The following RFWD3 variants were observed in gnomAD, a reference collection of about 807,000 sequenced individuals.
RFWD3 encodes E3 ubiquitin-protein ligase RFWD3.
In RFWD3, 65 loss-of-function variants were observed where a neutral mutation model predicts 87.7. The ratio of observed to expected loss-of-function variants is 0.74; its 90% CI spans 0.61 to 0.91. RFWD3 has a LOEUF of 0.91. RFWD3 is among the 40% of genes least tolerant of loss of function. The probability of loss-of-function intolerance (pLI) is 0.00; values close to 1 mark genes in which losing one functional copy is unlikely to be tolerated. For missense variants in RFWD3, 1,078 were observed against 938.5 expected (o/e 1.15, Z -1.94); for synonymous variants, 433 against 352.8 (o/e 1.23, Z -2.55).
rs757894888 is a variant in RFWD3 at position 74,652,117 on chromosome 16, C to G, written c.524G>C (p.Arg175Thr). 3.1e-6 allele frequency: 5 copies of G among 1,613,780 alleles called. No individual in the cohort carries two copies. In the East Asian group the frequency reaches 6.7e-5, roughly 22 times the overall value. The change falls in exon 3 of 13, where the codon AGA becomes ACA. Residue 175 changes from arginine (R) to threonine (T), a missense_variant. Coordinates refer to ENST00000361070, the MANE Select transcript of RFWD3 (RefSeq NM_018124.4). ...CTGAAAGTAAGCATCCAATGGTGCT[C>G]TCAACCTATGTACACAGAAAGACAA... ...GSQRTDSARL[R>T]APLDAYFQVS...
intron 1 of RFWD3, chr16:74,666,173 ATAGACAGAT>A (rs995011778): frequency 2.0e-5 from 3 of 147,022 alleles, no homozygotes; most frequent in African/African-American, 7.8e-5. Context: ...GATAGATTAG[ATAGACAGAT>A]TAGATAGATA....
intron 6 of RFWD3, among the ~76,000 whole-genome samples, chr16:74,642,557 G>A (rs577259816): frequency 1.8e-4 from 28 of 152,146 alleles, no homozygotes; most frequent in African/African-American, 5.8e-4. Context: ...CTAGAGTGCA[G>A]TGGCATGACC....
Position 74,626,638 on chromosome 16 carries a change from C to T in RFWD3, c.1970-84G>A, listed in dbSNP as rs956172965. ...GTACCCAAACCTCACACGCTTACAA[C>T]CTAGTTGGATGGAAAAGCCATAAAT... On this transcript the variant is annotated intron_variant, in intron 11 of 12. Transcript: ENST00000361070. 4 of 1,061,124 alleles carry T rather than the reference C, an allele frequency of 3.8e-6. No individual in the cohort carries two copies. The African/African-American group carries it at 6.3e-5, about 17-fold the overall frequency. 65.7% of individuals were successfully genotyped at this position (1,061,124 alleles called of 1,614,324 possible).
Position 74,623,008 on chromosome 16 carries a change from C to T in RFWD3, c.*920G>A, listed in dbSNP as rs1337490037. 6.6e-6 allele frequency: 1 copy of T among 152,154 alleles called. No individual in the cohort carries two copies. Among genetic ancestry groups the T allele is most frequent in the Non-Finnish European group, 1.5e-5 (1 of 68,012 alleles). The allele number at this position is 152,154 out of a possible 1,614,324, so 9.4% of individuals were successfully genotyped here. A position where few individuals can be genotyped will look rare whatever the true frequency, so the allele number is the denominator to read the frequency against. ...AGTCTGAATAGCTTTTGTAAATTCT[C>T]TTATGTCTTTTCTCCTGATCTCTGA... On this transcript the variant is annotated 3_prime_UTR_variant, in exon 13 of 13. Transcript: ENST00000361070.
intron 11 of RFWD3, 56 bp from the exon 12 acceptor site, chr16:74,626,610 C>G (rs756675450): frequency 1.5e-5 from 22 of 1,435,662 alleles, no homozygotes; most frequent in Non-Finnish European, 2.1e-5. Flanking sequence ...AAAAATTAAC[C>G]AAGTACCCAA....
At chr16:74,661,699 T>C (rs1181821767) in intron 1 of RFWD3, among the ~76,000 whole-genome samples, 2 of 152,200 alleles carry the variant, frequency 1.3e-5, no homozygotes, top group African/African-American at 4.8e-5. Context: ...GTGATCATAG[T>C]AGTATCTTCC....
At chr16:74,645,286 C>G (rs1030090634) in intron 4 of RFWD3, among the ~76,000 whole-genome samples, 3 of 152,174 alleles carry the variant, frequency 2.0e-5, no homozygotes, top group African/African-American at 7.2e-5. Context: ...TTGGCATTAT[C>G]CATGAAAATT....
chr16:74,666,850 C>CCGAAGACTCGGTAGTTACCTCCGCCAA lies in RFWD3; in HGVS notation c.-68_-67insTTGGCGGAGGTAACTACCGAGTCTTCG. ...GAAGACTCGGTAGTTACCTCGGCCG[C>CCGAAGACTCGGTAGTTACCTCCGCCAA]ACTCCGAATGCACCTACGCCAACTG... is the stretch of plus-strand genomic sequence containing the variant. On this transcript the variant is annotated 5_prime_UTR_variant, in exon 1 of 13. Coordinates refer to ENST00000361070, the MANE Select transcript of RFWD3 (RefSeq NM_018124.4). 1 of 38,952 alleles carries CCGAAGACTCGGTAGTTACCTCCGCCAA rather than the reference C, an allele frequency of 2.6e-5. No homozygotes were observed. The highest frequency in any genetic ancestry group is 4.7e-5 in the Non-Finnish European group (1 of 21,360). 2.4% of individuals were successfully genotyped at this position (38,952 alleles called of 1,614,324 possible). A position where few individuals can be genotyped will look rare whatever the true frequency, so the allele number is the denominator to read the frequency against.
intron 6 of RFWD3, chr16:74,644,150 T>G (rs1175276064): frequency 5.0e-6 from 3 of 604,384 alleles, no homozygotes; most frequent in Non-Finnish European, 8.8e-6. Flanking sequence ...TGTTTAATGC[T>G]CTACATAAGG....
chr16:74,650,388 G>A (rs1960471939), intron 3 of RFWD3, among the ~76,000 whole-genome samples: 1 of 150,556 alleles, frequency 6.6e-6, no homozygotes, highest in African/African-American at 2.4e-5. Flanking sequence ...GTGGGGGGCT[G>A]GTGTGTGTGT....
intron 2 of RFWD3, 136 bp downstream of exon 2, chr16:74,660,796 T>G: frequency 1.1e-6 from 1 of 918,854 alleles, no homozygotes; most frequent in Non-Finnish European, 1.7e-6. Flanking sequence ...CACTTTTATT[T>G]CCACCTATGA....
Position 74,627,246 on chromosome 16 carries a change from T to G in RFWD3, c.1970-692A>C, listed in dbSNP as rs1402186523. 2.0e-5 allele frequency among the ~76,000 whole-genome samples: 3 copies of G among 152,374 alleles called. No individual in the cohort carries two copies. In the East Asian group the frequency reaches 5.8e-4, roughly 29 times the overall value. On this transcript the variant is annotated intron_variant, in intron 11 of 12. Coordinates refer to ENST00000361070, the MANE Select transcript of RFWD3 (RefSeq NM_018124.4). Reference sequence around the variant, plus strand: ...AACTCTGACTATACATCTGCCTGACTGTTACAAATGTGTTTAATACAGTTG... The same window carrying G: ...AACTCTGACTATACATCTGCCTGACGGTTACAAATGTGTTTAATACAGTTG...
At chr16:74,634,826 G>A (rs1014323034) in intron 8 of RFWD3, among the ~76,000 whole-genome samples, 1 of 151,930 alleles carries the variant, frequency 6.6e-6, no homozygotes, top group Non-Finnish European at 1.5e-5. Flanking sequence ...AGGGGGGAAG[G>A]GGGGCGCAGG....
At chr16:74,639,910 G>A (rs1384161673) in intron 6 of RFWD3, among the ~76,000 whole-genome samples, 2 of 152,086 alleles carry the variant, frequency 1.3e-5, no homozygotes, top group Non-Finnish European at 2.9e-5. Context: ...GAGATATGTT[G>A]AGAGAGAGAT....
chr16:74,628,336 C>A, intron 11 of RFWD3, 116 bp downstream of exon 11: 1 of 918,468 alleles, frequency 1.1e-6, no homozygotes, highest in Non-Finnish European at 1.7e-6. Context: ...CTACAACACA[C>A]CTCGTTAGCC....
intron 12 of RFWD3, among the ~76,000 whole-genome samples, chr16:74,624,361 T>C (rs1482532376): frequency 6.6e-6 from 1 of 152,188 alleles, no homozygotes; most frequent in African/African-American, 2.4e-5. Context: ...GAAGGGTCAA[T>C]AAGATAAAGT....
intron 8 of RFWD3, 152 bp downstream of exon 8, chr16:74,636,194 T>C (rs1959194935): frequency 1.5e-6 from 1 of 655,666 alleles, no homozygotes; most frequent in South Asian, 1.9e-5. Context: ...AGTAAAGACA[T>C]CTTTGCAGCA....
chr16:74,645,011 T>C (rs1455506491), intron 4 of RFWD3, among the ~76,000 whole-genome samples: 3 of 152,312 alleles, frequency 2.0e-5, no homozygotes, highest in East Asian at 1.9e-4. Flanking sequence ...ATATAAAGAA[T>C]AGCAGCTATA....
intron 8 of RFWD3, 76 bp downstream of exon 8, chr16:74,636,270 A>T: frequency 1.5e-6 from 2 of 1,372,750 alleles, no homozygotes; most frequent in Non-Finnish European, 2.0e-6. Context: ...TTGAGTCTTG[A>T]ATTTTCCAAA....
Sources: allele counts gnomAD v4.1 joint callset (sites outside exome capture counted in the v4.1 genomes callset), GRCh38; gene constraint gnomAD v4.1.1; transcripts MANE v1.5; gene names NCBI Gene and HGNC (gene_info 2026-07-23, HGNC 2026-07-21).